HPSE2: variants seen among roughly 807,000 people sequenced by gnomAD.
The protein encoded by HPSE2 is heparanase 2 (inactive), also known as inactive heparanase-2.
A neutral mutation model predicts 60.5 loss-of-function variants in HPSE2; 38 were observed. That is an observed-to-expected ratio of 0.63 (90% CI 0.48 to 0.82). The LOEUF is 0.82. Among genes scored for constraint, HPSE2 ranks in the 40% least tolerant of loss-of-function variants. HPSE2 has a pLI of 0.00. For synonymous variants in HPSE2, 295 were observed against 293.2 expected (o/e 1.01, Z -0.06); for missense variants, 713 against 740.4 (o/e 0.96, Z 0.43).
At chr10:98,740,377 T>C (rs749673803) in intron 4 of HPSE2, among the ~76,000 whole-genome samples, 107 of 152,126 alleles carry the variant, frequency 7.0e-4, no homozygotes, top group Admixed American at 1.2e-3. Flanking sequence ...GGTCTTGCTA[T>C]GCTGTGGCTG....
intron 3 of HPSE2, among the ~76,000 whole-genome samples, chr10:98,998,012 G>A (rs961274142): frequency 6.6e-6 from 1 of 152,156 alleles, no homozygotes; most frequent in African/African-American, 2.4e-5. Flanking sequence ...TCCTTCCATT[G>A]GTGGCATTTC....
chr10:98,905,069 T>C (rs1017490103), intron 3 of HPSE2, among the ~76,000 whole-genome samples: 4 of 152,022 alleles, frequency 2.6e-5, no homozygotes, highest in South Asian at 2.1e-4. Context: ...AGGAGGAAAA[T>C]AGAGAACACA....
chr10:98,650,421 T>G, intron 6 of HPSE2, among the ~76,000 whole-genome samples: 1 of 152,226 alleles, frequency 6.6e-6, no homozygotes, highest in East Asian at 1.9e-4. Context: ...ACAAAACACC[T>G]TTATACCAAT....
At chr10:99,098,866 C>G (rs1310200955) in intron 3 of HPSE2, among the ~76,000 whole-genome samples, 1 of 152,124 alleles carries the variant, frequency 6.6e-6, no homozygotes, top group East Asian at 1.9e-4. Context: ...GACTAAAGTG[C>G]TACGGTTCTC....
In HPSE2 at chr10:99,180,889, C is replaced by CAAAAAA. The variant is rs68033581; in HGVS notation, c.449-36496_449-36491dup. Among the ~76,000 whole-genome samples the CAAAAAA allele has an allele frequency of 3.7e-4, 11 of 29,700 alleles. 1 individual carries two copies. The highest frequency in any genetic ancestry group is 1.9e-3 in the African/African-American group (9 of 4,634). 19.5% of individuals were successfully genotyped at this position (29,700 alleles called of 152,430 possible). On this transcript the variant is annotated intron_variant, in intron 2 of 11. Coordinates refer to ENST00000370552, the MANE Select transcript of HPSE2 (RefSeq NM_021828.5). ...TGGGCAACAAGGCAAGACTCCATCT[C>CAAAAAA]AAAAAAAAAAAAAAAAAAAAAAAAA...
chr10:99,195,382 A>T (rs945641655), intron 2 of HPSE2, among the ~76,000 whole-genome samples: 3 of 152,062 alleles, frequency 2.0e-5, no homozygotes, highest in Non-Finnish European at 4.4e-5. Context: ...GACGAGAAAA[A>T]AACAAAGGGC....
intron 3 of HPSE2, among the ~76,000 whole-genome samples, chr10:98,831,687 A>ATTT (rs1951686931): frequency 1.3e-5 from 2 of 152,276 alleles, no homozygotes; most frequent in South Asian, 4.2e-4. Context: ...ACCTGCTAAA[A>ATTT]ATGCAAATTC....
intron 2 of HPSE2, among the ~76,000 whole-genome samples, chr10:99,146,591 G>A (rs1294972003): frequency 6.6e-6 from 1 of 152,232 alleles, no homozygotes; most frequent in Non-Finnish European, 1.5e-5. Context: ...GTCGGGCACA[G>A]TGGCTCACGC....
At chr10:98,962,791 A>G (rs540674074) in intron 3 of HPSE2, among the ~76,000 whole-genome samples, 21 of 150,948 alleles carry the variant, frequency 1.4e-4, no homozygotes, top group African/African-American at 5.1e-4. Context: ...CCAACAACAG[A>G]CAAACAGAGA....
intron 3 of HPSE2, among the ~76,000 whole-genome samples, chr10:98,796,976 C>T (rs1015938770): frequency 3.3e-5 from 5 of 152,172 alleles, no homozygotes; most frequent in Non-Finnish European, 5.9e-5. Flanking sequence ...GGCTTGGAGC[C>T]CAAGTCCCTT....
chr10:98,555,296 G>A (rs1943972989), intron 9 of HPSE2, among the ~76,000 whole-genome samples: 1 of 152,168 alleles, frequency 6.6e-6, no homozygotes, highest in African/African-American at 2.4e-5. Context: ...CTAATGACTG[G>A]GATTCCACCC....
At chr10:98,850,349 C>A (rs1245853581) in intron 3 of HPSE2, among the ~76,000 whole-genome samples, 1 of 152,104 alleles carries the variant, frequency 6.6e-6, no homozygotes, top group African/African-American at 2.4e-5. Context: ...TTAATAGGAA[C>A]AGTTCTAGTA....
chr10:98,708,319 G>T (rs1198807322), intron 5 of HPSE2, among the ~76,000 whole-genome samples: 1 of 151,928 alleles, frequency 6.6e-6, no homozygotes, highest in Non-Finnish European at 1.5e-5. Flanking sequence ...AGCTGGGCGT[G>T]GTGGTGGGCA....
intron 3 of HPSE2, among the ~76,000 whole-genome samples, chr10:98,875,676 T>C (rs1473341720): frequency 1.3e-5 from 2 of 152,050 alleles, no homozygotes; most frequent in Non-Finnish European, 2.9e-5. Context: ...TAACTCATTT[T>C]ATGAAGCCAA....
chr10:98,819,658 A>G (rs1951378590), intron 3 of HPSE2, among the ~76,000 whole-genome samples: 1 of 152,146 alleles, frequency 6.6e-6, no homozygotes, highest in Non-Finnish European at 1.5e-5. Flanking sequence ...TTTTTAAAAG[A>G]GCTTTTTGAG....
At chr10:99,308,301 C>T in the HPSE2 span, among the ~76,000 whole-genome samples, 126,674 of 147,980 alleles carry the variant, frequency 0.86, 54,593 homozygotes, top group African/African-American at 0.93. Flanking sequence ...GGCAGGAGAA[C>T]TGCTTGAGGT....
intron 3 of HPSE2, among the ~76,000 whole-genome samples, chr10:98,909,545 G>A (rs573501263): frequency 2.6e-4 from 39 of 151,254 alleles, no homozygotes; most frequent in Non-Finnish European, 4.4e-4. Context: ...CAGAAGAATC[G>A]CTTGAACTCA....
chr10:98,697,832 G>T (rs1477330244), intron 5 of HPSE2, among the ~76,000 whole-genome samples: 1 of 152,194 alleles, frequency 6.6e-6, no homozygotes, highest in African/African-American at 2.4e-5. Flanking sequence ...CTGCAAGCCA[G>T]AAGAGAGTGG....
the HPSE2 span, among the ~76,000 whole-genome samples, chr10:99,279,346 C>T: frequency 6.6e-6 from 1 of 152,140 alleles, no homozygotes; most frequent in South Asian, 2.1e-4. Context: ...AGAACATCCA[C>T]TCTGATAAAG....
Sources: allele counts gnomAD v4.1 joint callset (sites outside exome capture counted in the v4.1 genomes callset), GRCh38; gene constraint gnomAD v4.1.1; transcripts MANE v1.5; gene names NCBI Gene and HGNC (gene_info 2026-07-23, HGNC 2026-07-21).